Variants in ALDH18A1 observed in about 807,000 individuals in gnomAD.
ALDH18A1 encodes aldehyde dehydrogenase 18 family member A1.
In ALDH18A1, 44 loss-of-function variants were observed where a neutral mutation model predicts 88.8. That is an observed-to-expected ratio of 0.50 (90% confidence interval 0.39 to 0.64). The LOEUF is 0.64. ALDH18A1 is among the 30% of genes least tolerant of loss of function. The probability of loss-of-function intolerance (pLI) is 0.00; values close to 1 mark genes in which losing one functional copy is unlikely to be tolerated. For missense variants in ALDH18A1, 782 were observed against 1,009.5 expected (o/e 0.77, Z 3.05); for synonymous variants, 331 against 372.1 (o/e 0.89, Z 1.27).
At chr10:95,656,207 CCACCCACCA>C (rs1035716995) in intron 1 of ALDH18A1, among the ~76,000 whole-genome samples, 39 of 152,218 alleles carry the variant, frequency 2.6e-4, no homozygotes, top group African/African-American at 8.9e-4. Flanking sequence ...GCCACCCACG[CCACCCACCA>C]GTGCAGGCTC....
intron 7 of ALDH18A1, among the ~76,000 whole-genome samples, chr10:95,629,573 G>T (rs2097865096): frequency 6.6e-6 from 1 of 152,140 alleles, no homozygotes; most frequent in South Asian, 2.1e-4. Context: ...TTTAGGGTTA[G>T]GATCTTCCCA....
At chr10:95,649,232 G>A (rs1023461188) in intron 2 of ALDH18A1, among the ~76,000 whole-genome samples, 1 of 145,426 alleles carries the variant, frequency 6.9e-6, no homozygotes, top group Non-Finnish European at 1.5e-5. Context: ...AATAGATCAC[G>A]AAGTTGGGTG....
chr10:95,616,631 G>C lies in ALDH18A1; in HGVS notation c.1468-17C>G, dbSNP rs1296306670. ...AGCTGCCACCTGCAGATCAAAGGGA[G>C]AGCAGTGGATCAAAGGAGACAAACA... On this transcript the variant is annotated splice_polypyrimidine_tract_variant and intron_variant, in intron 12 of 17. Coordinates refer to ENST00000371224, the MANE Select transcript of ALDH18A1 (RefSeq NM_002860.4). 11 of 1,600,122 alleles carry C rather than the reference G, an allele frequency of 6.9e-6. No homozygotes were observed. The highest frequency in any genetic ancestry group is 9.4e-6 in the Non-Finnish European group (11 of 1,173,044).
At position 95,614,460 on chromosome 10, in the gene ALDH18A1, G is replaced by C. The variant is rs542861114; in HGVS notation, c.1606-299C>G. 6.6e-5 allele frequency among the ~76,000 whole-genome samples: 10 copies of C among 152,330 alleles called. No individual in the cohort carries two copies. The South Asian group carries it at 2.1e-3, about 32-fold the overall frequency. ...GGAAGGCAGCACTAGGGTACTGCTAGCCATAATACAGGGCAGACAATTTTT... is the reference window on the plus strand; with the variant it reads ...GGAAGGCAGCACTAGGGTACTGCTACCCATAATACAGGGCAGACAATTTTT... On this transcript the variant is annotated intron_variant, in intron 13 of 17. Transcript: ENST00000371224.
intron 15 of ALDH18A1, among the ~76,000 whole-genome samples, chr10:95,611,796 A>C (rs1210098421): frequency 6.6e-6 from 1 of 151,986 alleles, no homozygotes; most frequent in East Asian, 1.9e-4. Context: ...AACATGGTGA[A>C]ACCCCGTCTT....
Position 95,624,168 on chromosome 10 carries a change from G to A in ALDH18A1, c.1246+1194C>T, listed in dbSNP as rs976828995. Among the ~76,000 whole-genome samples the A allele has an allele frequency of 2.0e-5, 3 of 152,206 alleles. No homozygotes were observed. The South Asian group carries it at 6.2e-4, about 31-fold the overall frequency. ...CCTATTTTCTTTAGAAATAGTTTTT[G>A]AGGATAAATTCCCCGAACTGGGATT... On this transcript the variant is annotated intron_variant, in intron 11 of 17. Coordinates refer to ENST00000371224, the MANE Select transcript of ALDH18A1 (RefSeq NM_002860.4).
intron 7 of ALDH18A1, among the ~76,000 whole-genome samples, chr10:95,630,616 C>T (rs977495299): frequency 5.7e-4 from 86 of 152,186 alleles, no homozygotes; most frequent in African/African-American, 1.9e-3. Context: ...GAGGGTGAGA[C>T]AGGAGAATCG....
chr10:95,643,861 C>T (rs1307107792), intron 2 of ALDH18A1, among the ~76,000 whole-genome samples: 4 of 151,976 alleles, frequency 2.6e-5, no homozygotes, highest in South Asian at 2.1e-4. Flanking sequence ...AGGAAAAAGC[C>T]GGCCAGGCAT....
chr10:95,611,732 G>A (rs1030590954), intron 15 of ALDH18A1, among the ~76,000 whole-genome samples: 3 of 152,110 alleles, frequency 2.0e-5, no homozygotes, highest in Non-Finnish European at 2.9e-5. Context: ...AGTACTTTGG[G>A]AGGCTGAGAC....
At chr10:95,649,109 A>C (rs900290525) in intron 2 of ALDH18A1, among the ~76,000 whole-genome samples, 16 of 152,220 alleles carry the variant, frequency 1.1e-4, no homozygotes, top group African/African-American at 2.7e-4. Flanking sequence ...GGAGCTAGCC[A>C]ACTCAAAACA....
intron 11 of ALDH18A1, among the ~76,000 whole-genome samples, chr10:95,621,765 C>T (rs762912947): frequency 2.6e-5 from 4 of 152,042 alleles, no homozygotes; most frequent in Non-Finnish European, 5.9e-5. Flanking sequence ...TACCCTTTGT[C>T]CCAGCAATTT....
At chr10:95,649,811 G>T (rs1005424583) in intron 2 of ALDH18A1, among the ~76,000 whole-genome samples, 1 of 151,862 alleles carries the variant, frequency 6.6e-6, no homozygotes, top group Non-Finnish European at 1.5e-5. Flanking sequence ...AGCCTGGGAC[G>T]TTGAGGCTGC....
intron 3 of ALDH18A1, among the ~76,000 whole-genome samples, chr10:95,637,658 T>C (rs2097883385): frequency 6.6e-6 from 1 of 152,118 alleles, no homozygotes; most frequent in Non-Finnish European, 1.5e-5. Context: ...AAATCAGACA[T>C]TTTAATTTAT....
At chr10:95,649,361 T>TTG (rs2097906392) in intron 2 of ALDH18A1, among the ~76,000 whole-genome samples, 1 of 150,682 alleles carries the variant, frequency 6.6e-6, no homozygotes. Context: ...ATTTTTTTTT[T>TTG]TTTTTTTTTT....
intron 7 of ALDH18A1, 26 bp downstream of exon 7, chr10:95,632,933 T>C (rs748342139): frequency 5.1e-5 from 82 of 1,593,032 alleles, no homozygotes; most frequent in Middle Eastern, 1.7e-4. Context: ...AAAGGGCAGA[T>C]AAAGGAAAAA....
At position 95,626,674 on chromosome 10, in the gene ALDH18A1, A is replaced by G. The variant is rs568324993; in HGVS notation, c.1152+29T>C. On this transcript the variant is annotated intron_variant, in intron 10 of 17. Coordinates refer to ENST00000371224, the MANE Select transcript of ALDH18A1 (RefSeq NM_002860.4). ...CACAGCATGACTCACTCTGAAAACTATAACAATATTATCACCTAAGGTTAT... is the reference window on the plus strand; with the variant it reads ...CACAGCATGACTCACTCTGAAAACTGTAACAATATTATCACCTAAGGTTAT... 32 of 1,609,890 alleles carry G rather than the reference A, an allele frequency of 2.0e-5. No individual in the cohort carries two copies. In the East Asian group the frequency reaches 2.2e-4, roughly 11 times the overall value.
intron 17 of ALDH18A1, among the ~76,000 whole-genome samples, 179 bp from the exon 18 acceptor site, chr10:95,607,122 A>G (rs879734210): frequency 3.9e-5 from 6 of 152,156 alleles, no homozygotes; most frequent in Admixed American, 3.9e-4. Flanking sequence ...TTCGATTACT[A>G]CAAATCATGA....
intron 16 of ALDH18A1, 75 bp downstream of exon 16, chr10:95,611,181 A>C (rs1018748650): frequency 5.7e-6 from 9 of 1,566,922 alleles, no homozygotes; most frequent in South Asian, 1.1e-5. Context: ...TCTGCAGCCC[A>C]AGGGGGGCTA....
At chr10:95,610,088 A>T in intron 17 of ALDH18A1, 109 bp downstream of exon 17, 1 of 1,096,150 alleles carries the variant, frequency 9.1e-7, no homozygotes, top group Non-Finnish European at 1.4e-6. Context: ...TCTTATCTTG[A>T]CCAAGCATGT....
Sources: gnomAD v4.1 joint callset for allele counts (sites outside exome capture counted in the v4.1 genomes callset) on GRCh38, gnomAD v4.1.1 for gene constraint, MANE v1.5 for transcripts, NCBI Gene and HGNC (gene_info 2026-07-23, HGNC 2026-07-21) for gene names.